Variants in PDE4D observed in about 807,000 individuals in gnomAD.
PDE4D encodes 3',5'-cyclic-AMP phosphodiesterase 4D.
Under a neutral mutation model 87.4 loss-of-function variants are expected in PDE4D, and 24 were observed. That is an observed-to-expected ratio of 0.27 (90% CI 0.20 to 0.39). PDE4D has a LOEUF of 0.39. Ranked by LOEUF, PDE4D falls within the 10% of genes least tolerant of loss-of-function variation. The pLI, the probability that PDE4D is intolerant of heterozygous loss-of-function variation, is 1.00. For synonymous variants in PDE4D, 384 were observed against 383.2 expected (o/e 1.00, Z -0.02); for missense variants, 714 against 1,041.0 (o/e 0.69, Z 4.32).
chr5:60,131,476 G>A (rs1779576341), intron 2 of PDE4D, among the ~76,000 whole-genome samples: 1 of 152,204 alleles, frequency 6.6e-6, no homozygotes, highest in Admixed American at 6.5e-5. Context: ...CAAGAATGAA[G>A]TTAATGTGTG....
intron 1 of PDE4D, among the ~76,000 whole-genome samples, chr5:59,435,498 A>T (rs1356473370): frequency 6.6e-6 from 1 of 152,106 alleles, no homozygotes; most frequent in African/African-American, 2.4e-5. Context: ...TGGCTGGCTA[A>T]TTCCTTTTAA....
At chr5:59,253,944 C>T (rs1175710574) in intron 1 of PDE4D, among the ~76,000 whole-genome samples, 1 of 152,048 alleles carries the variant, frequency 6.6e-6, no homozygotes, top group East Asian at 1.9e-4. Context: ...TGATTCTTTC[C>T]TATCATTTAA....
intron 11 of PDE4D, among the ~76,000 whole-genome samples, chr5:58,985,428 C>T (rs890633836): frequency 6.6e-6 from 1 of 152,064 alleles, no homozygotes; most frequent in African/African-American, 2.4e-5. Flanking sequence ...TCATTTGGCA[C>T]CTAAAGCTAA....
chr5:60,444,713 T>G (rs897958060), intron 1 of PDE4D, among the ~76,000 whole-genome samples: 4 of 151,596 alleles, frequency 2.6e-5, no homozygotes, highest in African/African-American at 9.7e-5. Flanking sequence ...TTGCAAGCAG[T>G]CCAGGAGGGG....
chr5:59,156,331 A>ATATG (rs1384479557), intron 5 of PDE4D, among the ~76,000 whole-genome samples: 16 of 122,760 alleles, frequency 1.3e-4, no homozygotes, highest in African/African-American at 5.1e-4. Flanking sequence ...ATATATATAT[A>ATATG]TGTGTGTGTG....
intron 1 of PDE4D, among the ~76,000 whole-genome samples, chr5:60,272,068 G>A (rs547802853): frequency 6.6e-6 from 1 of 152,300 alleles, no homozygotes; most frequent in South Asian, 2.1e-4. Flanking sequence ...GACTCCACTG[G>A]TATTCAGTGT....
intron 5 of PDE4D, among the ~76,000 whole-genome samples, chr5:59,108,878 G>C (rs1397888383): frequency 6.9e-6 from 1 of 144,938 alleles, no homozygotes; most frequent in Non-Finnish European, 1.5e-5. Context: ...CTGCACTCCA[G>C]CCTGGGTGAC....
chr5:59,027,434 G>C (rs1358246258), intron 6 of PDE4D, among the ~76,000 whole-genome samples: 1 of 152,156 alleles, frequency 6.6e-6, no homozygotes, highest in African/African-American at 2.4e-5. Flanking sequence ...GGTGTAGGGG[G>C]TTATGTTCTC....
At chr5:59,628,768 G>A (rs1315938023) in intron 1 of PDE4D, among the ~76,000 whole-genome samples, 1 of 152,190 alleles carries the variant, frequency 6.6e-6, no homozygotes, top group African/African-American at 2.4e-5. Context: ...TGTGTGCTAG[G>A]AAAGGGTAAG....
At chr5:59,924,010 C>T (rs1224227874) in intron 3 of PDE4D, among the ~76,000 whole-genome samples, 1 of 152,148 alleles carries the variant, frequency 6.6e-6, no homozygotes, top group African/African-American at 2.4e-5. Context: ...AGTCAGAATG[C>T]TATCAGATAA....
At chr5:59,792,599 G>A (rs1304971748) in intron 1 of PDE4D, among the ~76,000 whole-genome samples, 2 of 152,136 alleles carry the variant, frequency 1.3e-5, no homozygotes, top group Admixed American at 6.5e-5. Context: ...GGAGAAGAAC[G>A]CAAGGTGGTA....
At chr5:59,304,585 G>C (rs772927513) in intron 1 of PDE4D, among the ~76,000 whole-genome samples, 1 of 151,994 alleles carries the variant, frequency 6.6e-6, no homozygotes, top group South Asian at 2.1e-4. Flanking sequence ...TGCTGATTTT[G>C]CTGAGAGCTT....
intron 1 of PDE4D, among the ~76,000 whole-genome samples, chr5:59,517,333 T>C (rs1811346389): frequency 6.6e-6 from 1 of 152,222 alleles, no homozygotes; most frequent in African/African-American, 2.4e-5. Flanking sequence ...ATTTTTAATG[T>C]AAATTATAAG....
intron 1 of PDE4D, among the ~76,000 whole-genome samples, chr5:59,238,522 G>C (rs10055446): frequency 2.6e-5 from 4 of 152,054 alleles, no homozygotes; most frequent in Admixed American, 2.6e-4. Context: ...AAGGTCATTC[G>C]ACTTTTGTTG....
intron 1 of PDE4D, among the ~76,000 whole-genome samples, chr5:60,278,670 G>A (rs1053025179): frequency 1.3e-5 from 2 of 151,174 alleles, no homozygotes; most frequent in Non-Finnish European, 2.9e-5. Context: ...CCTGTATTCT[G>A]CCCATCCACT....
intron 5 of PDE4D, among the ~76,000 whole-genome samples, chr5:59,064,390 T>G (rs940595605): frequency 2.0e-5 from 3 of 152,082 alleles, no homozygotes; most frequent in Non-Finnish European, 4.4e-5. Context: ...CACCAGAAAG[T>G]CCTAGCCAAC....
chr5:59,283,496 C>CT (rs149345500), intron 1 of PDE4D, among the ~76,000 whole-genome samples: 1 of 152,182 alleles, frequency 6.6e-6, no homozygotes, highest in South Asian at 2.1e-4. Context: ...CAATTTCAGC[C>CT]TTTTTTGTGT....
intron 1 of PDE4D, among the ~76,000 whole-genome samples, chr5:60,248,127 T>C (rs540667544): frequency 5.3e-5 from 8 of 151,918 alleles, no homozygotes; most frequent in Non-Finnish European, 1.2e-4. Flanking sequence ...AAGTCATGGG[T>C]GCATGTGAGT....
intron 5 of PDE4D, among the ~76,000 whole-genome samples, chr5:59,049,928 T>C (rs1288021338): frequency 6.6e-6 from 1 of 152,198 alleles, no homozygotes; most frequent in Non-Finnish European, 1.5e-5. Flanking sequence ...GGTTAAGAAG[T>C]AATGCCAAAG....
Sources: allele counts gnomAD v4.1 joint callset (sites outside exome capture counted in the v4.1 genomes callset), GRCh38; gene constraint gnomAD v4.1.1; transcripts MANE v1.5; gene names NCBI Gene and HGNC (gene_info 2026-07-23, HGNC 2026-07-21).